The following GLRA2 variants were observed in gnomAD, a reference collection of about 807,000 sequenced individuals.
GLRA2 encodes the protein glycine receptor subunit alpha-2.
Under a neutral mutation model 31.6 loss-of-function variants are expected in GLRA2, and 11 were observed. The observed-to-expected ratio is 0.35, with a 90% CI of 0.22 to 0.58. The LOEUF (loss-of-function observed/expected upper bound fraction) is 0.58, where lower values mean the gene tolerates loss of function less well. GLRA2 is among the 20% of genes least tolerant of loss of function. The pLI is 0.84. For missense variants in GLRA2, 212 were observed against 351.8 expected, an observed-to-expected ratio of 0.60 and a Z score of 3.18; for synonymous variants, 132 against 134.0, an observed-to-expected ratio of 0.99 and a Z score of 0.10.
chrX:14,698,009 TTAAC>T (rs1239881035), intron 8 of GLRA2, among the ~76,000 whole-genome samples: 1 of 111,684 alleles, frequency 9.0e-6, no homozygotes, highest in Non-Finnish European at 1.9e-5. Context: ...ATTGAGTAAA[TTAAC>T]TAATAACAAT....
At chrX:14,695,561 C>G (rs143832099) in intron 8 of GLRA2, among the ~76,000 whole-genome samples, 1 of 112,141 alleles carries the variant, frequency 8.9e-6, no homozygotes. Context: ...GATGGAGATA[C>G]TGAAGCACAA....
intron 8 of GLRA2, among the ~76,000 whole-genome samples, chrX:14,717,097 A>G (rs1412975660): frequency 9.0e-6 from 1 of 111,609 alleles, no homozygotes; most frequent in Admixed American, 9.5e-5. Flanking sequence ...GTGCTTCCAG[A>G]GCCAAGTCCA....
At chrX:14,498,986 C>T in the GLRA2 span, among the ~76,000 whole-genome samples, 4 of 112,230 alleles carry the variant, frequency 3.6e-5, no homozygotes, top group South Asian at 1.5e-3. Flanking sequence ...TGAATACATA[C>T]TACATTTTCT....
chrX:14,550,102 C>T (rs984044208), intron 2 of GLRA2, among the ~76,000 whole-genome samples: 1 of 110,031 alleles, frequency 9.1e-6, no homozygotes, highest in Non-Finnish European at 1.9e-5. Context: ...GGCCAATTTC[C>T]CTAGAGTGGT....
intron 7 of GLRA2, among the ~76,000 whole-genome samples, chrX:14,613,776 G>C (rs2090426945): frequency 9.1e-6 from 1 of 110,345 alleles, no homozygotes; most frequent in Non-Finnish European, 1.9e-5. Flanking sequence ...AGTTCCAGAG[G>C]GTCTGAATAA....
chrX:14,486,936 A>T, the GLRA2 span, among the ~76,000 whole-genome samples: 1 of 111,435 alleles, frequency 9.0e-6, no homozygotes, highest in Non-Finnish European at 1.9e-5. Flanking sequence ...GCAAACATAA[A>T]ATTCAAGATA....
At chrX:14,724,562 G>A (rs1414188548) in intron 8 of GLRA2, among the ~76,000 whole-genome samples, 1 of 99,378 alleles carries the variant, frequency 1.0e-5, no homozygotes, top group African/African-American at 3.8e-5. Context: ...GGAGGCAGAG[G>A]TTGCAGTGAG....
intron 2 of GLRA2, among the ~76,000 whole-genome samples, chrX:14,569,368 T>A (rs1426929960): frequency 8.9e-6 from 1 of 112,472 alleles, no homozygotes; most frequent in African/African-American, 3.2e-5. Context: ...GTAAATCATG[T>A]CTGAGGAGGG....
intron 7 of GLRA2, among the ~76,000 whole-genome samples, chrX:14,675,444 C>T (rs369020159): frequency 8.9e-6 from 1 of 112,075 alleles, no homozygotes; most frequent in East Asian, 2.8e-4. Flanking sequence ...CAATGCCCAA[C>T]AAACTAATTG....
chrX:14,549,998 G>C (rs1387163343), intron 2 of GLRA2, among the ~76,000 whole-genome samples: 1 of 110,651 alleles, frequency 9.0e-6, no homozygotes, highest in African/African-American at 3.3e-5. Context: ...TGCAGATGAG[G>C]AAAGCAACCA....
chrX:14,560,819 AAAAG>A (rs2089720555), intron 2 of GLRA2, among the ~76,000 whole-genome samples: 1 of 105,560 alleles, frequency 9.5e-6, no homozygotes, highest in Non-Finnish European at 2.0e-5. Flanking sequence ...AAAAAAAAAA[AAAAG>A]AATAATAGTA....
intron 4 of GLRA2, among the ~76,000 whole-genome samples, chrX:14,593,354 G>C (rs190011381): frequency 2.9e-4 from 32 of 112,049 alleles, no homozygotes; most frequent in African/African-American, 8.1e-4. Context: ...TATTAAGTAC[G>C]TATATTAATA....
intron 2 of GLRA2, among the ~76,000 whole-genome samples, chrX:14,542,505 T>C (rs1463213530): frequency 9.0e-6 from 1 of 111,190 alleles, no homozygotes; most frequent in Non-Finnish European, 1.9e-5. Flanking sequence ...CAGTCTCTTG[T>C]CCGGTCAAAG....
the GLRA2 span, among the ~76,000 whole-genome samples, chrX:14,487,618 A>C: frequency 1.8e-5 from 2 of 111,359 alleles, no homozygotes; most frequent in African/African-American, 6.5e-5. Context: ...TTCCATGCAT[A>C]TATGTTCAGC....
At chrX:14,699,342 C>A (rs1012738253) in intron 8 of GLRA2, among the ~76,000 whole-genome samples, 2 of 112,361 alleles carry the variant, frequency 1.8e-5, no homozygotes, top group African/African-American at 6.5e-5. Flanking sequence ...GCCCTGACTT[C>A]TTTTTGTTCA....
chrX:14,521,450 C>T, the GLRA2 span, among the ~76,000 whole-genome samples: 1 of 111,862 alleles, frequency 8.9e-6, no homozygotes, highest in Non-Finnish European at 1.9e-5. Context: ...GACTCCAAGA[C>T]TTGCATCAGT....
At chrX:14,546,188 C>A (rs2089477143) in intron 2 of GLRA2, among the ~76,000 whole-genome samples, 1 of 111,539 alleles carries the variant, frequency 9.0e-6, no homozygotes, top group African/African-American at 3.3e-5. Flanking sequence ...TGATCTTTAT[C>A]AAACTAATCC....
chrX:14,471,173 A>G, the GLRA2 span, among the ~76,000 whole-genome samples: 1 of 111,738 alleles, frequency 8.9e-6, no homozygotes, highest in Admixed American at 9.6e-5. Context: ...TCCCCACTTA[A>G]TTACTTTTTT....
At chrX:14,563,000 A>C (rs2089754141) in intron 2 of GLRA2, among the ~76,000 whole-genome samples, 1 of 112,587 alleles carries the variant, frequency 8.9e-6, no homozygotes, top group Non-Finnish European at 1.9e-5. Context: ...GCAAAATATT[A>C]CAATTGAAAT....
Sources: allele counts gnomAD v4.1 joint callset (sites outside exome capture counted in the v4.1 genomes callset), GRCh38; gene constraint gnomAD v4.1.1; transcripts MANE v1.5; gene names NCBI Gene and HGNC (gene_info 2026-07-23, HGNC 2026-07-21).